The following KCND2 variants were observed in gnomAD, a reference collection of about 807,000 sequenced individuals.
KCND2 encodes the protein potassium voltage-gated channel subfamily D member 2.
Under a neutral mutation model 54.4 loss-of-function variants are expected in KCND2, and 16 were observed. The observed-to-expected ratio is 0.29, with a 90% confidence interval of 0.20 to 0.45. The LOEUF is 0.45. Ranked by LOEUF, KCND2 falls within the 20% of genes least tolerant of loss-of-function variation. The pLI, the probability that KCND2 is intolerant of heterozygous loss-of-function variation, is 1.00. For synonymous variants in KCND2, 317 were observed against 310.7 expected (o/e 1.02, Z -0.21); for missense variants, 486 against 824.2 (o/e 0.59, Z 5.02).
At position 120,501,373 on chromosome 7, in the gene KCND2, A is replaced by G. The variant is rs147013167; in HGVS notation, c.1115+225626A>G. Among the ~76,000 whole-genome samples the G allele has an allele frequency of 3.5e-3, 539 of 152,250 alleles. 3 individuals carry two copies. Among genetic ancestry groups the G allele is most frequent in the African/African-American group, 0.013 (520 of 41,558 alleles). On this transcript the variant is annotated intron_variant, in intron 1 of 5. Transcript: ENST00000331113. ...CCCTTAAGATTTTGTACATCGTAGA[A>G]GAGAATAACTGCATGCAGAAAAGAT...
At chr7:120,567,582 C>G (rs1275810622) in intron 1 of KCND2, among the ~76,000 whole-genome samples, 1 of 152,100 alleles carries the variant, frequency 6.6e-6, no homozygotes, top group South Asian at 2.1e-4. Context: ...TCTGCAATCA[C>G]CTATTTTTAT....
intron 1 of KCND2, among the ~76,000 whole-genome samples, chr7:120,658,464 C>T (rs1791829069): frequency 6.6e-6 from 1 of 152,190 alleles, no homozygotes; most frequent in African/African-American, 2.4e-5. Flanking sequence ...GCAAGCAGTT[C>T]ACATAAGTGA....
At chr7:120,510,763 C>A (rs182214412) in intron 1 of KCND2, among the ~76,000 whole-genome samples, 1 of 152,086 alleles carries the variant, frequency 6.6e-6, no homozygotes, top group African/African-American at 2.4e-5. Flanking sequence ...TCACCAATTA[C>A]GAATTTAGCC....
chr7:120,275,639 T>G lies in KCND2; in HGVS notation c.1007T>G (p.Ile336Ser). 1 of 1,608,378 alleles carries G rather than the reference T, an allele frequency of 6.2e-7. No homozygotes were observed. The highest frequency in any genetic ancestry group is 8.5e-7 in the Non-Finnish European group (1 of 1,179,968). Residue 336 changes from isoleucine (I) to serine (S), a missense_variant, in exon 1 of 6, where the codon ATC becomes AGC. By Grantham distance (142) the Ile-to-Ser change is moderately radical. This residue lies in a region of KCND2 where 23 missense variants were observed against 33.7 expected (regional missense o/e 0.68). Coordinates refer to ENST00000331113, the MANE Select transcript of KCND2 (RefSeq NM_012281.3). Reference sequence around the variant, plus strand: ...CTTTTCTCGCTCACCATGGCTATCATCATCTTCGCTACAGTTATGTTCTAC... The same window carrying G: ...CTTTTCTCGCTCACCATGGCTATCAGCATCTTCGCTACAGTTATGTTCTAC... ...FLLFSLTMAI[I>S]IFATVMFYAE...
At chr7:120,611,986 T>C (rs1352939893) in intron 1 of KCND2, among the ~76,000 whole-genome samples, 2 of 152,224 alleles carry the variant, frequency 1.3e-5, no homozygotes, top group Non-Finnish European at 2.9e-5. Context: ...ACAATCATTC[T>C]GGGTTCTCCA....
At chr7:120,689,807 C>G (rs1254077333) in intron 1 of KCND2, among the ~76,000 whole-genome samples, 1 of 152,162 alleles carries the variant, frequency 6.6e-6, no homozygotes, top group Admixed American at 6.5e-5. Context: ...AGGGCAAAGA[C>G]TAAACAACTT....
chr7:120,324,200 C>T (rs1436172369), intron 1 of KCND2, among the ~76,000 whole-genome samples: 1 of 149,986 alleles, frequency 6.7e-6, no homozygotes, highest in African/African-American at 2.5e-5. Flanking sequence ...TGGATATTAG[C>T]CCTTTGTCAG....
intron 1 of KCND2, among the ~76,000 whole-genome samples, chr7:120,511,305 C>G (rs1803111528): frequency 6.6e-6 from 1 of 152,062 alleles, no homozygotes; most frequent in African/African-American, 2.4e-5. Context: ...CCCCAAAAGA[C>G]TTAACACTAT....
intron 1 of KCND2, among the ~76,000 whole-genome samples, chr7:120,333,887 G>A (rs952242985): frequency 1.1e-4 from 17 of 151,730 alleles, no homozygotes; most frequent in African/African-American, 3.4e-4. Context: ...AACATCTTTC[G>A]GCACTTTAGA....
intron 1 of KCND2, among the ~76,000 whole-genome samples, chr7:120,691,062 A>G (rs1792262619): frequency 6.6e-6 from 1 of 152,008 alleles, no homozygotes; most frequent in Non-Finnish European, 1.5e-5. Context: ...CTGAAGCAGT[A>G]GCATGTATGG....
intron 1 of KCND2, among the ~76,000 whole-genome samples, chr7:120,565,678 T>C (rs969660537): frequency 1.3e-5 from 2 of 152,294 alleles, no homozygotes; most frequent in Middle Eastern, 6.8e-3. Flanking sequence ...TGCATATCTA[T>C]TAAGTCAGTG....
At chr7:120,375,223 C>A (rs1211572699) in intron 1 of KCND2, among the ~76,000 whole-genome samples, 1 of 151,794 alleles carries the variant, frequency 6.6e-6, no homozygotes, top group Non-Finnish European at 1.5e-5. Flanking sequence ...TTGCTTGTTT[C>A]TAGAAGAACA....
intron 3 of KCND2, chr7:120,742,174 A>G (rs77595101): frequency 2.3e-5 from 7 of 310,850 alleles, no homozygotes; most frequent in Admixed American, 4.7e-5. Flanking sequence ...CGTGCACATG[A>G]TCGTGGTTTC....
intron 1 of KCND2, among the ~76,000 whole-genome samples, chr7:120,359,209 G>A (rs1225546666): frequency 2.0e-5 from 3 of 152,158 alleles, no homozygotes; most frequent in Admixed American, 6.6e-5. Context: ...TTTTTGGAAA[G>A]ATTTTGTGCT....
At chr7:120,623,343 C>T (rs1443403320) in intron 1 of KCND2, among the ~76,000 whole-genome samples, 3 of 152,142 alleles carry the variant, frequency 2.0e-5, no homozygotes, top group South Asian at 2.1e-4. Flanking sequence ...TCACCATCCC[C>T]TATCCCCTAC....
chr7:120,372,331 G>T (rs736612), intron 1 of KCND2, among the ~76,000 whole-genome samples: 16,149 of 151,506 alleles, frequency 0.11, 892 homozygotes, highest in Admixed American at 0.13. Flanking sequence ...ATCTAGAAGT[G>T]GTATAAATCA....
At chr7:120,434,537 A>T (rs1239941188) in intron 1 of KCND2, among the ~76,000 whole-genome samples, 5 of 152,312 alleles carry the variant, frequency 3.3e-5, no homozygotes, top group Non-Finnish European at 5.9e-5. Flanking sequence ...TTCTTTGTTG[A>T]TATTTTCTTT....
chr7:120,533,510 C>T (rs1327268013), intron 1 of KCND2, among the ~76,000 whole-genome samples: 3 of 152,086 alleles, frequency 2.0e-5, no homozygotes, highest in Non-Finnish European at 4.4e-5. Flanking sequence ...AGCAAATATG[C>T]TGCATCTGGC....
intron 1 of KCND2, among the ~76,000 whole-genome samples, chr7:120,591,124 C>G (rs1792666666): frequency 6.6e-6 from 1 of 152,136 alleles, no homozygotes; most frequent in Non-Finnish European, 1.5e-5. Context: ...ATATATCACC[C>G]AACATGTTCA....
Sources: gnomAD v4.1 joint callset for allele counts (sites outside exome capture counted in the v4.1 genomes callset) on GRCh38, gnomAD v4.1.1 for gene constraint, gnomAD v4.1.1 regional missense constraint, MANE v1.5 for transcripts, NCBI Gene and HGNC (gene_info 2026-07-23, HGNC 2026-07-21) for gene names.